The following AAR2 variants were observed in gnomAD, a reference collection of about 807,000 sequenced individuals.
The protein encoded by AAR2 is protein AAR2 homolog.
A neutral mutation model predicts 26.9 loss-of-function variants in AAR2; 31 were observed. The observed-to-expected ratio is 1.15, with a 90% CI of 0.86 to 1.55. The LOEUF is 1.55. Among genes scored for constraint, AAR2 ranks in the 40% most tolerant of loss-of-function variants. AAR2 has a pLI of 0.00. For synonymous variants in AAR2, 188 were observed against 196.1 expected (o/e 0.96, Z 0.34); for missense variants, 430 against 491.3 (o/e 0.88, Z 1.18).
chr20:36,246,762 G>T (rs1004220897), intron 3 of AAR2, among the ~76,000 whole-genome samples: 1 of 152,214 alleles, frequency 6.6e-6, no homozygotes, highest in African/African-American at 2.4e-5. Context: ...AGATGCCCAG[G>T]TGGGTTGTGC....
intron 3 of AAR2, among the ~76,000 whole-genome samples, 158 bp downstream of exon 3, chr20:36,245,084 G>A (rs1434451313): frequency 6.6e-6 from 1 of 151,958 alleles, no homozygotes; most frequent in East Asian, 1.9e-4. Context: ...TTACTCAATT[G>A]TAAGTGCCTC....
intron 3 of AAR2, among the ~76,000 whole-genome samples, chr20:36,245,817 T>TA (rs377580113): frequency 4.6e-5 from 7 of 152,260 alleles, no homozygotes; most frequent in South Asian, 2.1e-4. Context: ...GCCCAGGAAT[T>TA]AAAGACCAGC....
At chr20:36,242,476 C>T (rs1461757362) in intron 2 of AAR2, among the ~76,000 whole-genome samples, 2 of 151,930 alleles carry the variant, frequency 1.3e-5, no homozygotes, top group Non-Finnish European at 2.9e-5. Flanking sequence ...CTGCAAGCTC[C>T]GCCTCCCGGG....
intron 1 of AAR2, among the ~76,000 whole-genome samples, chr20:36,238,773 AAG>A (rs1323059668): frequency 6.6e-6 from 1 of 151,894 alleles, no homozygotes; most frequent in Non-Finnish European, 1.5e-5. Context: ...AAAAAAAAAA[AAG>A]TAAACAATTA....
chr20:36,252,286 G>C (rs1306167448), intron 3 of AAR2, among the ~76,000 whole-genome samples: 1 of 152,188 alleles, frequency 6.6e-6, no homozygotes, highest in Admixed American at 6.5e-5. Flanking sequence ...ACCCCAAATT[G>C]AGTCTGTGGT....
chr20:36,240,888 A>G (rs974219251), intron 2 of AAR2, among the ~76,000 whole-genome samples: 3 of 152,160 alleles, frequency 2.0e-5, no homozygotes, highest in African/African-American at 4.8e-5. Context: ...GGAACCACTG[A>G]TAGAGCCCAG....
chr20:36,255,480 C>T (rs1447046345), intron 3 of AAR2, 98 bp from the exon 4 acceptor site: 50 of 1,397,218 alleles, frequency 3.6e-5, no homozygotes, highest in East Asian at 6.9e-5. Context: ...CTGATCTACC[C>T]GCCCCAGAAG....
intron 2 of AAR2, 143 bp downstream of exon 2, chr20:36,240,768 T>G: frequency 8.5e-7 from 1 of 1,171,100 alleles, no homozygotes. Flanking sequence ...GTCTTTACCC[T>G]TAGCCCTGGA....
intron 3 of AAR2, among the ~76,000 whole-genome samples, chr20:36,248,337 C>CTTTTTT (rs1395708568): frequency 7.2e-6 from 1 of 139,680 alleles, no homozygotes. Flanking sequence ...TCTTCTTCTT[C>CTTTTTT]TTTTTTTTTT....
intron 1 of AAR2, among the ~76,000 whole-genome samples, chr20:36,237,045 T>C (rs2147281215): frequency 6.6e-6 from 1 of 152,266 alleles, no homozygotes; most frequent in Admixed American, 6.5e-5. Flanking sequence ...GAGGTGAATA[T>C]TGAGCTGAGA....
chr20:36,244,954 G>A (rs762884456), intron 3 of AAR2, 28 bp downstream of exon 3: 23 of 1,571,380 alleles, frequency 1.5e-5, no homozygotes, highest in Middle Eastern at 1.7e-4. Flanking sequence ...CTGAGCTGAT[G>A]CACATGTGGG....
At chr20:36,241,713 G>A in intron 2 of AAR2, among the ~76,000 whole-genome samples, 1 of 152,170 alleles carries the variant, frequency 6.6e-6, no homozygotes, top group South Asian at 2.1e-4. Context: ...AACCCAGGAG[G>A]CAGAGGTCGC....
intron 3 of AAR2, among the ~76,000 whole-genome samples, chr20:36,245,526 G>A (rs1254951410): frequency 6.6e-6 from 1 of 152,034 alleles, no homozygotes; most frequent in Non-Finnish European, 1.5e-5. Flanking sequence ...TATGTACTTG[G>A]GACAGCCTCT....
At chr20:36,239,233 T>G (rs1255451975) in intron 1 of AAR2, among the ~76,000 whole-genome samples, 1 of 152,068 alleles carries the variant, frequency 6.6e-6, no homozygotes, top group East Asian at 1.9e-4. Context: ...GAGGGGAGAT[T>G]TGTGGTAGGA....
intron 3 of AAR2, among the ~76,000 whole-genome samples, chr20:36,253,349 G>C (rs941133439): frequency 2.0e-4 from 31 of 152,164 alleles, no homozygotes; most frequent in African/African-American, 7.5e-4. Flanking sequence ...TCACAACCCT[G>C]TGTCTCTGGG....
intron 3 of AAR2, among the ~76,000 whole-genome samples, chr20:36,246,442 G>A (rs2064735320): frequency 6.6e-6 from 1 of 152,184 alleles, no homozygotes; most frequent in African/African-American, 2.4e-5. Flanking sequence ...CTATAAAACT[G>A]TCCTTTTACT....
intron 2 of AAR2, among the ~76,000 whole-genome samples, chr20:36,242,039 G>A (rs371002464): frequency 6.6e-6 from 1 of 151,294 alleles, no homozygotes; most frequent in African/African-American, 2.4e-5. Context: ...CAGCAAATAT[G>A]TGTCACATTT....
At chr20:36,242,855 T>G (rs981685551) in intron 2 of AAR2, among the ~76,000 whole-genome samples, 3 of 78,242 alleles carry the variant, frequency 3.8e-5, no homozygotes, top group South Asian at 3.0e-4. Context: ...ACTTTGTTGG[T>G]TTTTTTTTTT....
intron 3 of AAR2, among the ~76,000 whole-genome samples, chr20:36,247,766 G>A (rs561234818): frequency 1.8e-4 from 27 of 152,220 alleles, no homozygotes; most frequent in Admixed American, 7.2e-4. Flanking sequence ...CTACTCAGGA[G>A]GCTGAGGCAG....
Sources: allele counts gnomAD v4.1 joint callset (sites outside exome capture counted in the v4.1 genomes callset), GRCh38; gene constraint gnomAD v4.1.1; transcripts MANE v1.5; gene names NCBI Gene and HGNC (gene_info 2026-07-23, HGNC 2026-07-21).